Variants in PSD3 observed in about 807,000 individuals in gnomAD.
PSD3 encodes PH and SEC7 domain-containing protein 3.
Under a neutral mutation model 105.5 loss-of-function variants are expected in PSD3, and 49 were observed. That is an observed-to-expected ratio of 0.46 (90% CI 0.37 to 0.59). The LOEUF (loss-of-function observed/expected upper bound fraction) is 0.59, where lower values mean the gene tolerates loss of function less well. PSD3 is among the 20% of genes least tolerant of loss of function. PSD3 has a pLI of 0.00. For synonymous variants in PSD3, 557 were observed against 457.8 expected (o/e 1.22, Z -2.77); for missense variants, 1,561 against 1,263.8 (o/e 1.24, Z -3.57).
chr8:18,998,207 T>C (rs1212414387), intron 1 of PSD3, among the ~76,000 whole-genome samples: 1 of 152,014 alleles, frequency 6.6e-6, no homozygotes, highest in Non-Finnish European at 1.5e-5. Flanking sequence ...AGTCACTTGG[T>C]ATGCACATAT....
At chr8:18,768,869 A>G (rs1159956391) in intron 8 of PSD3, among the ~76,000 whole-genome samples, 1 of 152,234 alleles carries the variant, frequency 6.6e-6, no homozygotes, top group Non-Finnish European at 1.5e-5. Flanking sequence ...GAAACACTGA[A>G]AAAAATGGTT....
chr8:18,687,382 C>A lies in PSD3; in HGVS notation c.2173-31697G>T, dbSNP rs534097433. On this transcript the variant is annotated intron_variant, in intron 9 of 15. Transcript: ENST00000327040. ...TTGAGAGGCTGGGGTGGGAGGATCA[C>A]CTGAGCCCAGGAGGTTGAGGTTGCA... Among the ~76,000 whole-genome samples the A allele has an allele frequency of 3.9e-5, 6 of 152,186 alleles. 1 individual carries two copies. In the South Asian group the frequency reaches 1.2e-3, roughly 32 times the overall value.
At chr8:18,817,090 G>T (rs1425577296) in intron 4 of PSD3, among the ~76,000 whole-genome samples, 3 of 152,180 alleles carry the variant, frequency 2.0e-5, no homozygotes, top group Non-Finnish European at 2.9e-5. Flanking sequence ...TGGCTGGAGA[G>T]GAGTGAGCAA....
At chr8:18,726,352 T>C (rs1186116932) in intron 9 of PSD3, among the ~76,000 whole-genome samples, 1 of 152,202 alleles carries the variant, frequency 6.6e-6, no homozygotes, top group African/African-American at 2.4e-5. Context: ...CAAAGAAATG[T>C]CTTTTATCGT....
intron 1 of PSD3, among the ~76,000 whole-genome samples, chr8:18,973,758 G>A (rs113132919): frequency 5.9e-5 from 9 of 152,222 alleles, no homozygotes; most frequent in African/African-American, 1.9e-4. Context: ...TGAAGTGGGA[G>A]TATTAGAGTT....
At chr8:18,762,115 C>T (rs897382189) in intron 9 of PSD3, among the ~76,000 whole-genome samples, 2 of 152,066 alleles carry the variant, frequency 1.3e-5, no homozygotes, top group African/African-American at 2.4e-5. Context: ...AATAATAATC[C>T]GTAGTACTGG....
At chr8:19,084,638 C>T (rs1051762653) in exon 1 of PSD3, 14 of 345,644 alleles carry the variant, frequency 4.1e-5, no homozygotes, top group Non-Finnish European at 7.5e-5. Context: ...AATCACCACC[C>T]CTGCTTACGT....
intron 8 of PSD3, among the ~76,000 whole-genome samples, chr8:18,774,087 T>C (rs1024411976): frequency 6.6e-6 from 1 of 152,216 alleles, no homozygotes; most frequent in Non-Finnish European, 1.5e-5. Context: ...TTGCTGAACG[T>C]CTTTAGTCCT....
At chr8:18,716,541 G>C (rs947587754) in intron 9 of PSD3, among the ~76,000 whole-genome samples, 3 of 152,198 alleles carry the variant, frequency 2.0e-5, no homozygotes, top group Non-Finnish European at 2.9e-5. Flanking sequence ...AGCTTGGGCA[G>C]TGGGAGAGGA....
In PSD3 at chr8:18,535,660, T is replaced by A. The variant is rs545625355; in HGVS notation, c.*83A>T. The A allele has an allele frequency of 1.5e-4, 175 of 1,193,270 alleles. No individual in the cohort carries two copies. The East Asian group carries it at 2.9e-3, about 20-fold the overall frequency. The allele number at this position is 1,193,270 out of a possible 1,614,324, so 73.9% of individuals were successfully genotyped here. A position where few individuals can be genotyped will look rare whatever the true frequency, so the allele number is the denominator to read the frequency against. On this transcript the variant is annotated 3_prime_UTR_variant, in exon 16 of 16. Coordinates refer to ENST00000327040, the MANE Select transcript of PSD3 (RefSeq NM_015310.4). The stretch of plus-strand genomic sequence containing the variant: ...CGTTTTGTCACAGACTTTTTTTTTT[T>A]AAATATATTCACGGATTACCAGAAA...
chr8:18,804,916 G>C lies in PSD3; in HGVS notation c.1635-18C>G. On this transcript the variant is annotated intron_variant, in intron 4 of 15. Coordinates refer to ENST00000327040, the MANE Select transcript of PSD3 (RefSeq NM_015310.4). ...CAGCATTGCTATGATAATTGATAAA[G>C]AGAGAAAATAATAGATTTTTCTTAT... The C allele has an allele frequency of 6.5e-7, 1 of 1,548,030 alleles. No individual in the cohort carries two copies. Among genetic ancestry groups the C allele is most frequent in the African/African-American group, 1.4e-5 (1 of 72,062 alleles).
At chr8:18,911,812 A>G (rs1251725215) in intron 2 of PSD3, among the ~76,000 whole-genome samples, 1 of 152,070 alleles carries the variant, frequency 6.6e-6, no homozygotes, top group Non-Finnish European at 1.5e-5. Flanking sequence ...CACACACATC[A>G]CTAGTCATCA....
intron 9 of PSD3, among the ~76,000 whole-genome samples, chr8:18,677,656 C>T (rs190825421): frequency 4.0e-4 from 61 of 152,294 alleles, no homozygotes; most frequent in Admixed American, 2.9e-3. Context: ...TGTAGAACTA[C>T]GTCCCTGAAG....
At chr8:18,642,390 A>C (rs1807713621) in intron 10 of PSD3, among the ~76,000 whole-genome samples, 1 of 152,160 alleles carries the variant, frequency 6.6e-6, no homozygotes, top group South Asian at 2.1e-4. Context: ...CAATGAAACA[A>C]CTACTGTCTA....
chr8:18,945,067 G>GACACAC (rs36067698), intron 1 of PSD3, among the ~76,000 whole-genome samples: 18 of 151,238 alleles, frequency 1.2e-4, no homozygotes, highest in South Asian at 4.2e-4. Context: ...ATTTCAGACA[G>GACACAC]ACACACACAC....
At chr8:18,694,341 T>C (rs1177768576) in intron 9 of PSD3, among the ~76,000 whole-genome samples, 1 of 152,190 alleles carries the variant, frequency 6.6e-6, no homozygotes, top group Non-Finnish European at 1.5e-5. Context: ...CCAGGCGCGG[T>C]GGCGCACGTC....
intron 9 of PSD3, among the ~76,000 whole-genome samples, chr8:18,761,127 G>T (rs1021159186): frequency 1.3e-5 from 2 of 152,274 alleles, no homozygotes; most frequent in East Asian, 3.9e-4. Flanking sequence ...CAAACGTCAG[G>T]TTTAAAAATG....
intron 1 of PSD3, among the ~76,000 whole-genome samples, chr8:19,042,802 T>C (rs572107531): frequency 1.3e-5 from 2 of 152,352 alleles, no homozygotes; most frequent in Non-Finnish European, 2.9e-5. Context: ...TTCTCTCCCT[T>C]TTTTAATTGA....
At chr8:18,649,591 T>C (rs562785144) in intron 10 of PSD3, among the ~76,000 whole-genome samples, 9 of 152,234 alleles carry the variant, frequency 5.9e-5, no homozygotes, top group Non-Finnish European at 8.8e-5. Flanking sequence ...TGAGGGACTG[T>C]TGGGAAGGCA....
Sources: gnomAD v4.1 joint callset for allele counts (sites outside exome capture counted in the v4.1 genomes callset) on GRCh38, gnomAD v4.1.1 for gene constraint, MANE v1.5 for transcripts, NCBI Gene and HGNC (gene_info 2026-07-23, HGNC 2026-07-21) for gene names.